Variants in RIN2 observed in about 807,000 individuals in gnomAD.
RIN2 encodes RAB5 interacting protein 2.
Under a neutral mutation model 78.0 loss-of-function variants are expected in RIN2, and 36 were observed. The observed-to-expected ratio is 0.46, with a 90% CI of 0.35 to 0.61. RIN2 has a LOEUF of 0.61. Among genes scored for constraint, RIN2 ranks in the 20% least tolerant of loss-of-function variants. The pLI is 0.00. For synonymous variants in RIN2, 466 were observed against 466.8 expected, an observed-to-expected ratio of 1.00 and a Z score of 0.02; for missense variants, 1,087 against 1,159.7, an observed-to-expected ratio of 0.94 and a Z score of 0.91.
chr20:19,958,484 C>T (rs910906151), intron 5 of RIN2, among the ~76,000 whole-genome samples: 1 of 152,278 alleles, frequency 6.6e-6, no homozygotes, highest in African/African-American at 2.4e-5. Flanking sequence ...CATCCACCTG[C>T]CTGATCCCTG....
At chr20:19,906,627 G>A (rs1285637577) in intron 3 of RIN2, among the ~76,000 whole-genome samples, 2 of 152,174 alleles carry the variant, frequency 1.3e-5, no homozygotes, top group African/African-American at 2.4e-5. Flanking sequence ...GGGGTCTGCG[G>A]CCATCTGGAG....
intron 7 of RIN2, among the ~76,000 whole-genome samples, chr20:19,969,552 G>A (rs1262745512): frequency 2.0e-5 from 3 of 152,082 alleles, no homozygotes; most frequent in African/African-American, 7.2e-5. Flanking sequence ...TTTTATCCAT[G>A]TCATGGATCT....
intron 2 of RIN2, among the ~76,000 whole-genome samples, chr20:19,813,315 C>T (rs1311327823): frequency 6.6e-6 from 1 of 152,220 alleles, no homozygotes; most frequent in Non-Finnish European, 1.5e-5. Context: ...AGTTCCCATC[C>T]ATTTGCCATA....
intron 5 of RIN2, among the ~76,000 whole-genome samples, chr20:19,960,126 G>A (rs1600951139): frequency 6.6e-6 from 1 of 152,156 alleles, no homozygotes; most frequent in Non-Finnish European, 1.5e-5. Context: ...GTAGATTGTT[G>A]CCTGGTCTTG....
At chr20:19,888,767 G>A (rs1331794285) in intron 2 of RIN2, among the ~76,000 whole-genome samples, 2 of 152,244 alleles carry the variant, frequency 1.3e-5, no homozygotes, top group African/African-American at 4.8e-5. Flanking sequence ...GAAGGCCTGA[G>A]CCAGGTCAGC....
At chr20:19,872,724 A>T (rs368710937) in intron 2 of RIN2, among the ~76,000 whole-genome samples, 3 of 152,186 alleles carry the variant, frequency 2.0e-5, no homozygotes, top group African/African-American at 7.2e-5. Context: ...TCTAAAGGTA[A>T]AATCATGACA....
chr20:19,764,504 CTCA>C (rs1407817854), intron 1 of RIN2, among the ~76,000 whole-genome samples: 2 of 152,230 alleles, frequency 1.3e-5, no homozygotes, highest in African/African-American at 4.8e-5. Flanking sequence ...AACCTAAACG[CTCA>C]TCATCTTGCT....
intron 3 of RIN2, among the ~76,000 whole-genome samples, chr20:19,907,750 C>T (rs1318865038): frequency 1.3e-5 from 2 of 152,142 alleles, no homozygotes; most frequent in Non-Finnish European, 2.9e-5. Flanking sequence ...AGCCAATATT[C>T]CCTTTAATGC....
chr20:19,822,651 T>TACAC (rs11468740), intron 2 of RIN2, among the ~76,000 whole-genome samples: 1 of 151,160 alleles, frequency 6.6e-6, no homozygotes. Context: ...GAGAGCAAAA[T>TACAC]ACACACACAC....
At position 19,974,968 on chromosome 20, in the gene RIN2, G is replaced by A. The variant is rs374796899; in HGVS notation, c.943G>A (p.Ala315Thr). Residue 315 changes from alanine to threonine, a missense_variant, in exon 9 of 13, where the codon GCT (alanine) becomes ACT (threonine). Ala to Thr is a moderately conservative substitution (Grantham distance 58, BLOSUM62 0). This residue lies in a region of RIN2 where 706 missense variants were observed against 667.5 expected (regional missense o/e 1.06). Coordinates refer to ENST00000255006, the MANE Select transcript of RIN2 (RefSeq NM_018993.4). ...CCCCCCACCCAGGCCCCCGCCACCCGCTATTAATAGTCTCCACACAAGCCC... is the reference window on the plus strand; with the variant it reads ...CCCCCCACCCAGGCCCCCGCCACCCACTATTAATAGTCTCCACACAAGCCC... ...RSPPPRPPPP[A>T]INSLHTSPRL... The A allele has an allele frequency of 2.2e-5, 13 of 592,936 alleles. No individual in the cohort carries two copies. Among genetic ancestry groups the A allele is most frequent in the South Asian group, 1.8e-4 (11 of 61,494 alleles). 36.7% of individuals were successfully genotyped at this position (592,936 alleles called of 1,614,324 possible). A position where few individuals can be genotyped will look rare whatever the true frequency, so the allele number is the denominator to read the frequency against.
intron 2 of RIN2, among the ~76,000 whole-genome samples, chr20:19,837,421 A>G (rs1264448904): frequency 6.6e-6 from 1 of 152,244 alleles, no homozygotes; most frequent in Non-Finnish European, 1.5e-5. Context: ...CACTAATTTC[A>G]CAAATGAGAA....
At chr20:19,887,645 AC>A (rs1409502016) in intron 2 of RIN2, among the ~76,000 whole-genome samples, 20 of 152,266 alleles carry the variant, frequency 1.3e-4, no homozygotes, top group Admixed American at 1.2e-3. Flanking sequence ...CATTTCTGGA[AC>A]CTAAACTGCT....
chr20:19,828,172 C>T (rs2036151701), intron 2 of RIN2, among the ~76,000 whole-genome samples: 1 of 152,200 alleles, frequency 6.6e-6, no homozygotes, highest in Non-Finnish European at 1.5e-5. Context: ...TCCAACTCAC[C>T]TTTAAACTTT....
At chr20:19,974,443 G>C (rs2042201387) in intron 8 of RIN2, among the ~76,000 whole-genome samples, 1 of 152,178 alleles carries the variant, frequency 6.6e-6, no homozygotes, top group Non-Finnish European at 1.5e-5. Context: ...GAAGGTGACA[G>C]ACCCCTGGAG....
intron 8 of RIN2, among the ~76,000 whole-genome samples, chr20:19,974,412 A>C (rs979773279): frequency 1.3e-5 from 2 of 152,156 alleles, no homozygotes; most frequent in Non-Finnish European, 2.9e-5. Flanking sequence ...TATGTTGGCC[A>C]AGCCATTTCT....
intron 2 of RIN2, among the ~76,000 whole-genome samples, chr20:19,881,252 C>A (rs2038019795): frequency 1.3e-5 from 2 of 152,168 alleles, no homozygotes; most frequent in South Asian, 4.1e-4. Flanking sequence ...TAGCTTGAAA[C>A]CAGCCATGAT....
intron 4 of RIN2, among the ~76,000 whole-genome samples, chr20:19,937,148 G>C (rs937682393): frequency 6.6e-6 from 1 of 152,192 alleles, no homozygotes; most frequent in Admixed American, 6.5e-5. Flanking sequence ...AGTGAGTTTG[G>C]TTTTAATTTC....
chr20:19,904,243 A>G (rs2039120452), intron 3 of RIN2, among the ~76,000 whole-genome samples: 1 of 50,338 alleles, frequency 2.0e-5, no homozygotes. Context: ...AAAAAAAAAT[A>G]TATATATATA....
At chr20:19,935,495 A>G in intron 4 of RIN2, 1 of 1,153,014 alleles carries the variant, frequency 8.7e-7, no homozygotes, top group Non-Finnish European at 1.1e-6. Flanking sequence ...TGATGGAAAC[A>G]GTAATGCAGC....
Sources: gnomAD v4.1 joint callset for allele counts (sites outside exome capture counted in the v4.1 genomes callset) on GRCh38, gnomAD v4.1.1 for gene constraint, gnomAD v4.1.1 regional missense constraint, MANE v1.5 for transcripts, NCBI Gene and HGNC (gene_info 2026-07-23, HGNC 2026-07-21) for gene names.